GAS6: variants seen among roughly 807,000 people sequenced by gnomAD.
The protein encoded by GAS6 is growth arrest-specific protein 6.
In GAS6, 41 loss-of-function variants were observed where a neutral mutation model predicts 75.8. That is an observed-to-expected ratio of 0.54 (90% CI 0.42 to 0.70). GAS6 has a LOEUF of 0.70. Ranked by LOEUF, GAS6 falls within the 30% of genes least tolerant of loss-of-function variation. The pLI, the probability that GAS6 is intolerant of heterozygous loss-of-function variation, is 0.00. For missense variants in GAS6, 854 were observed against 940.2 expected (o/e 0.91, Z 1.20); for synonymous variants, 432 against 412.6 (o/e 1.05, Z -0.57).
At chr13:113,839,903 G>A (rs1244486187) in intron 4 of GAS6, 53 bp from the exon 5 acceptor site, 6 of 1,611,416 alleles carry the variant, frequency 3.7e-6, no homozygotes, top group East Asian at 2.2e-5. Context: ...ACCCCTGCGC[G>A]CCCAACGCAG....
At chr13:113,841,146 G>T (rs7337498) in intron 4 of GAS6, 1 of 152,092 alleles carries the variant, frequency 6.6e-6, no homozygotes, top group Non-Finnish European at 1.5e-5. Context: ...TGCAGGAGCC[G>T]CTTCCATCCC....
Position 113,821,030 on chromosome 13 carries a change from G to T in GAS6, c.1883-12C>A. On this transcript the variant is annotated splice_polypyrimidine_tract_variant and intron_variant, in intron 14 of 14. Coordinates refer to ENST00000327773, the MANE Select transcript of GAS6 (RefSeq NM_000820.4). ...AGTCACCGGCACATCTGGGCCGCAG[G>T]GAGAGAACAACATATCTTAGCTCAC... The T allele has an allele frequency of 6.2e-7, 1 of 1,611,808 alleles. No homozygotes were observed.
At chr13:113,830,899 C>T (rs2051622682) in intron 10 of GAS6, among the ~76,000 whole-genome samples, 1 of 152,264 alleles carries the variant, frequency 6.6e-6, no homozygotes, top group Admixed American at 6.5e-5. Flanking sequence ...GCTTCCTTTG[C>T]TTTCTGTAGC....
intron 2 of GAS6, among the ~76,000 whole-genome samples, chr13:113,857,522 A>G (rs2051924026): frequency 6.6e-6 from 1 of 152,206 alleles, no homozygotes; most frequent in Admixed American, 6.5e-5. Flanking sequence ...TTTGCATTGG[A>G]GAAACAGCTC....
At chr13:113,842,402 G>A (rs1045263483) in intron 4 of GAS6, 2 of 393,586 alleles carry the variant, frequency 5.1e-6, no homozygotes, top group Non-Finnish European at 8.9e-6. Context: ...TCGGAGTTAC[G>A]AGGAAACGAG....
intron 2 of GAS6, among the ~76,000 whole-genome samples, chr13:113,852,052 C>T (rs976244717): frequency 6.6e-6 from 1 of 152,186 alleles, no homozygotes; most frequent in African/African-American, 2.4e-5. Context: ...TGCAGGGCCC[C>T]GTCCCTGGGT....
chr13:113,840,014 C>T, intron 4 of GAS6, 164 bp from the exon 5 acceptor site: 1 of 955,702 alleles, frequency 1.0e-6, no homozygotes, highest in Non-Finnish European at 1.6e-6. Flanking sequence ...CTGTGCTGGC[C>T]TAGGGCTGAC....
chr13:113,852,965 G>A (rs1417545992), intron 2 of GAS6, among the ~76,000 whole-genome samples: 4 of 152,172 alleles, frequency 2.6e-5, no homozygotes, highest in South Asian at 4.1e-4. Flanking sequence ...CACCCAGCAC[G>A]TGAAGAGACC....
Position 113,839,792 on chromosome 13 carries a change from C to T in GAS6, c.402G>A (p.Gln134=). ...PCDRKGTQAC[Q]DLMGNFFCLC... ...GGCAGAAGAAGTTGCCCATGAGGTC[C>T]TGGCAGGCTTGGGTCCCCTTCCTAT... Residue 134 remains glutamine, a synonymous_variant, in exon 5 of 15, where the codon CAG becomes CAA. Transcript: ENST00000327773. 3.7e-6 allele frequency: 6 copies of T among 1,614,050 alleles called. No homozygotes were observed. The highest frequency in any genetic ancestry group is 5.1e-6 in the Non-Finnish European group (6 of 1,180,024).
At chr13:113,858,740 CAT>C (rs1232544348) in intron 2 of GAS6, among the ~76,000 whole-genome samples, 9 of 149,798 alleles carry the variant, frequency 6.0e-5, no homozygotes, top group African/African-American at 1.2e-4. Context: ...TGTATGTGTA[CAT>C]GTCTGTTAGT....
intron 2 of GAS6, among the ~76,000 whole-genome samples, chr13:113,857,251 T>G (rs1300082111): frequency 4.6e-5 from 7 of 152,256 alleles, no homozygotes; most frequent in African/African-American, 1.7e-4. Context: ...AATATTATAC[T>G]TTTAATCAAC....
intron 5 of GAS6, 164 bp from the exon 6 acceptor site, chr13:113,838,355 C>T (rs1233036506): frequency 2.5e-6 from 2 of 795,978 alleles, no homozygotes; most frequent in Non-Finnish European, 4.0e-6. Context: ...GTGCACAGCC[C>T]AGCCCTGGAG....
chr13:113,854,404 G>A (rs1336268763), intron 2 of GAS6, among the ~76,000 whole-genome samples: 4 of 152,228 alleles, frequency 2.6e-5, no homozygotes, highest in Non-Finnish European at 5.9e-5. Context: ...CGGTAACGCC[G>A]AGACTCGCCC....
In GAS6 at chr13:113,834,511, G is replaced by A. The variant is rs752984383; in HGVS notation, c.834+40C>T. The A allele has an allele frequency of 2.0e-6, 3 of 1,469,698 alleles. No individual in the cohort carries two copies. The East Asian group carries it at 7.5e-5, about 37-fold the overall frequency. 91.0% of individuals were successfully genotyped at this position (1,469,698 alleles called of 1,614,324 possible). ...AAGCCCCCACCGGCGAGGGCCCCCG[G>A]AACCACCGTGAAGGGCCCGCGGGGC... On this transcript the variant is annotated intron_variant, in intron 8 of 14. Coordinates refer to ENST00000327773, the MANE Select transcript of GAS6 (RefSeq NM_000820.4).
At chr13:113,850,225 A>G (rs2051862704) in intron 2 of GAS6, among the ~76,000 whole-genome samples, 1 of 152,106 alleles carries the variant, frequency 6.6e-6, no homozygotes, top group Non-Finnish European at 1.5e-5. Flanking sequence ...TGTCTGCACT[A>G]CTGCTTGTTC....
rs565933589 is a variant in GAS6 at position 113,848,603 on chromosome 13, C to A, written c.256-553G>T. 6.6e-6 allele frequency among the ~76,000 whole-genome samples: 1 copy of A among 152,252 alleles called. No individual in the cohort carries two copies. Among genetic ancestry groups the A allele is most frequent in the East Asian group, 1.9e-4 (1 of 5,176 alleles). ...CTGTCACTTGGCCAGCAGAGGCCGG[C>A]CGGAAACTTCTTCAGGATCCTTTTG... is the stretch of plus-strand genomic sequence containing the variant. On this transcript the variant is annotated intron_variant, in intron 2 of 14. Coordinates refer to ENST00000327773, the MANE Select transcript of GAS6 (RefSeq NM_000820.4). This position sits in a 1 kb window ranked among gnomAD's most constrained non-coding sequence, Gnocchi z 4.8.
chr13:113,862,985 T>C (rs2051984741), intron 2 of GAS6, among the ~76,000 whole-genome samples: 1 of 152,136 alleles, frequency 6.6e-6, no homozygotes, highest in South Asian at 2.1e-4. Flanking sequence ...AGGACATTCC[T>C]AACCGAGGTG....
At chr13:113,841,431 AC>A (rs2051774355) in intron 4 of GAS6, 1 of 149,900 alleles carries the variant, frequency 6.7e-6, no homozygotes, top group Non-Finnish European at 1.5e-5. Flanking sequence ...CGTATGCCTC[AC>A]AGTTTGCTCC....
chr13:113,855,879 C>T (rs944698842), intron 2 of GAS6, among the ~76,000 whole-genome samples: 1 of 152,204 alleles, frequency 6.6e-6, no homozygotes, highest in Non-Finnish European at 1.5e-5. Context: ...CGACCAAGCT[C>T]AGGCCCCAAA....
Sources: allele counts gnomAD v4.1 joint callset (sites outside exome capture counted in the v4.1 genomes callset), GRCh38; gene constraint gnomAD v4.1.1; non-coding constraint Gnocchi (gnomAD v3.1); transcripts MANE v1.5; gene names NCBI Gene and HGNC (gene_info 2026-07-23, HGNC 2026-07-21).